The following ANKFN1 variants were observed in gnomAD, a reference collection of about 807,000 sequenced individuals.
ANKFN1 encodes ankyrin repeat and fibronectin type III domain containing 1.
A neutral mutation model predicts 108.7 loss-of-function variants in ANKFN1; 74 were observed. That is an observed-to-expected ratio of 0.68 (90% CI 0.56 to 0.83). ANKFN1 has a LOEUF of 0.83. ANKFN1 is among the 40% of genes least tolerant of loss of function. The pLI, the probability that ANKFN1 is intolerant of heterozygous loss-of-function variation, is 0.00. For missense variants in ANKFN1, 1,505 were observed against 1,382.3 expected (o/e 1.09, Z -1.41); for synonymous variants, 547 against 516.2 (o/e 1.06, Z -0.81).
chr17:56,264,507 T>C (rs2144139042), intron 3 of ANKFN1, among the ~76,000 whole-genome samples: 1 of 152,166 alleles, frequency 6.6e-6, no homozygotes, highest in East Asian at 1.9e-4. Context: ...CTACATACAC[T>C]CTCTTTCCCT....
intron 3 of ANKFN1, among the ~76,000 whole-genome samples, chr17:56,324,899 G>A (rs747115850): frequency 2.6e-5 from 4 of 152,204 alleles, no homozygotes; most frequent in Admixed American, 6.5e-5. Flanking sequence ...GCCTCAGATC[G>A]GAACTCCAGA....
chr17:56,322,387 G>A (rs1198698038), intron 3 of ANKFN1, among the ~76,000 whole-genome samples: 1 of 152,016 alleles, frequency 6.6e-6, no homozygotes, highest in African/African-American at 2.4e-5. Context: ...GTGTCTTCCT[G>A]CTTCTGGGTT....
At chr17:56,070,827 C>T (rs751274237) in intron 4 of ANKFN1, among the ~76,000 whole-genome samples, 41 of 151,866 alleles carry the variant, frequency 2.7e-4, no homozygotes, top group African/African-American at 6.8e-4. Context: ...CTCCACCTCC[C>T]GTGTTCAAGC....
intron 3 of ANKFN1, among the ~76,000 whole-genome samples, chr17:56,291,461 C>T (rs1385026378): frequency 1.3e-5 from 2 of 152,140 alleles, no homozygotes; most frequent in African/African-American, 4.8e-5. Flanking sequence ...CAGAACTGAC[C>T]TTCTGATACC....
intron 3 of ANKFN1, among the ~76,000 whole-genome samples, chr17:56,262,110 A>G (rs1403838529): frequency 6.6e-6 from 1 of 152,136 alleles, no homozygotes. Context: ...ATTTTAACAA[A>G]TCTTTCCCAA....
chr17:56,259,824 A>G (rs1234462266), intron 3 of ANKFN1, among the ~76,000 whole-genome samples: 1 of 151,942 alleles, frequency 6.6e-6, no homozygotes, highest in East Asian at 1.9e-4. Flanking sequence ...TTCTGTTTTC[A>G]GCATACAGTT....
intron 1 of ANKFN1, among the ~76,000 whole-genome samples, chr17:56,154,836 G>A (rs995323051): frequency 3.9e-5 from 6 of 152,142 alleles, no homozygotes; most frequent in Non-Finnish European, 5.9e-5. Flanking sequence ...ATTACCATTT[G>A]TTCCATGAAG....
chr17:56,434,348 G>T (rs538802307), intron 8 of ANKFN1, among the ~76,000 whole-genome samples: 2 of 144,802 alleles, frequency 1.4e-5, no homozygotes, highest in East Asian at 4.1e-4. Flanking sequence ...TCTTCTAGAA[G>T]TAGTGGATGC....
At chr17:56,133,956 T>C (rs1907444501) in intron 4 of ANKFN1, among the ~76,000 whole-genome samples, 1 of 152,032 alleles carries the variant, frequency 6.6e-6, no homozygotes, top group South Asian at 2.1e-4. Context: ...ATCCCATAGG[T>C]TAAGGCCTCA....
At chr17:56,480,620 T>C in intron 16 of ANKFN1, 48 bp from the exon 17 acceptor site, 1 of 1,590,814 alleles carries the variant, frequency 6.3e-7, no homozygotes, top group Non-Finnish European at 8.6e-7. Flanking sequence ...CTGAGCTGTG[T>C]TCTGAACTTT....
intron 3 of ANKFN1, among the ~76,000 whole-genome samples, chr17:56,273,146 T>G (rs920463317): frequency 6.6e-6 from 1 of 152,250 alleles, no homozygotes; most frequent in African/African-American, 2.4e-5. Flanking sequence ...TTTCTTTTTT[T>G]ATATTTATAC....
Position 56,176,335 on chromosome 17 carries a change from G to A in ANKFN1, c.-71+22805G>A, listed in dbSNP as rs1218980858. On this transcript the variant is annotated intron_variant, in intron 1 of 20. Coordinates refer to ENST00000682825, the MANE Select transcript of ANKFN1 (RefSeq NM_001370326.1). Reference sequence around the variant, plus strand: ...CTGGTAAGGAATTTTTCCTTGGTCTGAACATTGTTTAAATTCCTGAAGTGG... The same window carrying A: ...CTGGTAAGGAATTTTTCCTTGGTCTAAACATTGTTTAAATTCCTGAAGTGG... Among the ~76,000 whole-genome samples the A allele has an allele frequency of 3.3e-5, 5 of 152,194 alleles. No individual in the cohort carries two copies. The East Asian group carries it at 9.6e-4, about 29-fold the overall frequency.
chr17:56,477,850 G>A (rs1187198412), intron 16 of ANKFN1, among the ~76,000 whole-genome samples, 196 bp downstream of exon 16: 2 of 151,766 alleles, frequency 1.3e-5, no homozygotes, highest in Admixed American at 6.6e-5. Context: ...TTTTTGAGAC[G>A]GAGTTTCACT....
intron 20 of ANKFN1, among the ~76,000 whole-genome samples, chr17:56,506,748 A>C (rs1356435051): frequency 6.6e-6 from 1 of 151,990 alleles, no homozygotes; most frequent in Non-Finnish European, 1.5e-5. Context: ...AGATGAACTA[A>C]GTGCCACTCC....
At chr17:56,448,273 C>G (rs1194880450) in intron 10 of ANKFN1, among the ~76,000 whole-genome samples, 2 of 150,884 alleles carry the variant, frequency 1.3e-5, no homozygotes, top group African/African-American at 4.9e-5. Flanking sequence ...AATGACTGAC[C>G]TGCTGAAAAA....
intron 3 of ANKFN1, among the ~76,000 whole-genome samples, chr17:56,240,789 C>T (rs1350638292): frequency 6.6e-6 from 1 of 151,976 alleles, no homozygotes; most frequent in Non-Finnish European, 1.5e-5. Context: ...TGAAATTGAG[C>T]ATCTTTTAAT....
intron 1 of ANKFN1, among the ~76,000 whole-genome samples, chr17:56,157,589 T>C (rs1179595182): frequency 2.0e-5 from 3 of 152,206 alleles, no homozygotes; most frequent in Admixed American, 2.0e-4. Context: ...CAGGGACTAT[T>C]TCCCTGCCTG....
chr17:56,487,805 A>G (rs573125050), intron 18 of ANKFN1, among the ~76,000 whole-genome samples: 5 of 152,358 alleles, frequency 3.3e-5, no homozygotes, highest in Admixed American at 1.3e-4. Flanking sequence ...CTTGAGCTGT[A>G]TCTTGAAGGA....
intron 3 of ANKFN1, among the ~76,000 whole-genome samples, chr17:56,324,776 G>T (rs943098081): frequency 3.9e-5 from 6 of 152,198 alleles, no homozygotes; most frequent in Non-Finnish European, 8.8e-5. Flanking sequence ...GATAGTAAAT[G>T]TTCGAAGGAG....
Sources: gnomAD v4.1 joint callset for allele counts (sites outside exome capture counted in the v4.1 genomes callset) on GRCh38, gnomAD v4.1.1 for gene constraint, MANE v1.5 for transcripts, NCBI Gene and HGNC (gene_info 2026-07-23, HGNC 2026-07-21) for gene names.